MYCBP: variants seen among roughly 807,000 people sequenced by gnomAD.
MYCBP encodes C-Myc-binding protein.
In MYCBP, 5 loss-of-function variants were observed where a neutral mutation model predicts 16.8. The ratio of observed to expected loss-of-function variants is 0.30; its 90% CI spans 0.16 to 0.63. MYCBP has a LOEUF of 0.63. Ranked by LOEUF, MYCBP falls within the 20% of genes least tolerant of loss-of-function variation. MYCBP has a pLI of 0.83. For missense variants in MYCBP, 103 were observed against 121.8 expected, an observed-to-expected ratio of 0.85 and a Z score of 0.73; for synonymous variants, 35 against 43.7, an observed-to-expected ratio of 0.80 and a Z score of 0.79.
intron 2 of MYCBP, among the ~76,000 whole-genome samples, chr1:38,867,979 A>C (rs1570884314): frequency 6.6e-6 from 1 of 152,224 alleles, no homozygotes; most frequent in Non-Finnish European, 1.5e-5. Context: ...GCAAGAAAAC[A>C]ATGTATTGAG....
Position 38,862,919 on chromosome 1 carries a change from A to G in MYCBP, c.*1751T>C, listed in dbSNP as rs554356638. ...CTGCCACAAAAAATTTTCAACCTGT[A>G]TCTACCAAGAAACTATCATACCAAC... On this transcript the variant is annotated 3_prime_UTR_variant, in exon 5 of 5. Transcript: ENST00000397572. The G allele has an allele frequency of 1.3e-5, 2 of 152,358 alleles. No individual in the cohort carries two copies. The highest frequency in any genetic ancestry group is 2.1e-4 in the South Asian group (1 of 4,828). The allele number at this position is 152,358 out of a possible 1,614,324, so 9.4% of individuals were successfully genotyped here.
At chr1:38,868,543 C>G (rs984630671) in intron 2 of MYCBP, among the ~76,000 whole-genome samples, 1 of 152,166 alleles carries the variant, frequency 6.6e-6, no homozygotes, top group Non-Finnish European at 1.5e-5. Flanking sequence ...AACTCTAAAT[C>G]AGTGGTTGGC....
chr1:38,873,236 C>T, intron 1 of MYCBP, 55 bp downstream of exon 1: 1 of 1,591,636 alleles, frequency 6.3e-7, no homozygotes, highest in Non-Finnish European at 8.5e-7. Flanking sequence ...CACCCAGAGC[C>T]GACCAGCGGC....
intron 2 of MYCBP, among the ~76,000 whole-genome samples, chr1:38,868,508 C>T (rs1017643424): frequency 4.6e-5 from 7 of 152,144 alleles, no homozygotes; most frequent in Non-Finnish European, 8.8e-5. Flanking sequence ...ACAAATTCCT[C>T]CTAGAATTTA....
intron 2 of MYCBP, among the ~76,000 whole-genome samples, chr1:38,870,709 C>G (rs1056595119): frequency 1.5e-5 from 2 of 135,598 alleles, no homozygotes; most frequent in African/African-American, 2.7e-5. Flanking sequence ...AGGAGAATGG[C>G]GTGAACCCGG....
chr1:38,870,799 C>CAAAAAAAAAAAAAA, intron 2 of MYCBP, among the ~76,000 whole-genome samples: 1 of 60,684 alleles, frequency 1.6e-5, no homozygotes, highest in African/African-American at 6.7e-5. Flanking sequence ...GACTCCGTCT[C>CAAAAAAAAAAAAAA]AAAAAAAAAA....
chr1:38,870,482 C>CA (rs542500842), intron 2 of MYCBP, among the ~76,000 whole-genome samples: 156 of 151,550 alleles, frequency 1.0e-3, no homozygotes, highest in African/African-American at 3.2e-3. Flanking sequence ...GACTCTGTCT[C>CA]AAAAAAAATA....
chr1:38,873,326 A>C lies in MYCBP; in HGVS notation c.-21T>G, dbSNP rs200135344. 46 of 1,599,918 alleles carry C rather than the reference A, an allele frequency of 2.9e-5. No individual in the cohort carries two copies. In the East Asian group the frequency reaches 9.8e-4, roughly 34 times the overall value. On this transcript the variant is annotated 5_prime_UTR_variant, in exon 1 of 5. Coordinates refer to ENST00000397572, the MANE Select transcript of MYCBP (RefSeq NM_012333.5). ...GCCATAGTGACAGCGGCAGCGGCGTAGCTGGCGCCGGAGACCGCGACTGGC... is the reference window on the plus strand; with the variant it reads ...GCCATAGTGACAGCGGCAGCGGCGTCGCTGGCGCCGGAGACCGCGACTGGC...
In MYCBP at chr1:38,864,675, C is replaced by T; in HGVS notation, c.307G>A (p.Glu103Lys). 1 of 1,613,868 alleles carries T rather than the reference C, an allele frequency of 6.2e-7. No homozygotes were observed. The highest frequency in any genetic ancestry group is 8.5e-7 in the Non-Finnish European group (1 of 1,179,844). ...CTTTCAAACTGAGAAGAATCCTATT[C>T]AGCACGCTTCTCCTCCTGAGGTGGT... is the stretch of plus-strand genomic sequence containing the variant. ...YEPPQEEKRA[E>K] The change falls in exon 5 of 5, where the codon GAA becomes AAA. Residue 103 changes from glutamate to lysine, a missense_variant. By Grantham distance (56) the Glu-to-Lys change is moderately conservative (BLOSUM62 1). Transcript: ENST00000397572.
rs1642295917 is a variant in MYCBP, at chr1:38,864,429, G to A, written c.*241C>T. On this transcript the variant is annotated 3_prime_UTR_variant, in exon 5 of 5. Transcript: ENST00000397572. ...TAAACAGAATGTCTTTTAAGGTAAT[G>A]AGTTAGATGGCTGTGTTTAGGTTTT... is the stretch of plus-strand genomic sequence containing the variant. The A allele has an allele frequency of 5.6e-6, 3 of 536,856 alleles. No individual in the cohort carries two copies. Among genetic ancestry groups the A allele is most frequent in the Admixed American group, 3.3e-5 (1 of 30,618 alleles). The allele number at this position is 536,856 out of a possible 1,614,324, so 33.3% of individuals were successfully genotyped here.
chr1:38,865,546 TAATCCCAAC>T (rs1457170554), intron 4 of MYCBP, among the ~76,000 whole-genome samples: 1 of 152,170 alleles, frequency 6.6e-6, no homozygotes, highest in Non-Finnish European at 1.5e-5. Context: ...CTCATGCCTA[TAATCCCAAC>T]ACTTCGGGAG....
chr1:38,864,602 T>C lies in MYCBP; in HGVS notation c.*68A>G, dbSNP rs763241718. 2 of 1,480,896 alleles carry C rather than the reference T, an allele frequency of 1.4e-6. No homozygotes were observed. Among genetic ancestry groups the C allele is most frequent in the Non-Finnish European group, 1.9e-6 (2 of 1,059,868 alleles). The allele number at this position is 1,480,896 out of a possible 1,614,324, so 91.7% of individuals were successfully genotyped here. ...TCTATAGCATCTGTTCAGAAAAGATTATATACTATACAAACTATTCAAGTC... is the reference window on the plus strand; with the variant it reads ...TCTATAGCATCTGTTCAGAAAAGATCATATACTATACAAACTATTCAAGTC... On this transcript the variant is annotated 3_prime_UTR_variant, in exon 5 of 5. Transcript: ENST00000397572.
chr1:38,867,487 G>T, intron 3 of MYCBP, 75 bp downstream of exon 3: 117 of 994,698 alleles, frequency 1.2e-4, no homozygotes, highest in Non-Finnish European at 1.6e-4. Context: ...ATATTCAGAA[G>T]TATTTTAAAG....
chr1:38,867,699 G>T, intron 2 of MYCBP, 89 bp from the exon 3 acceptor site: 2 of 1,109,198 alleles, frequency 1.8e-6, no homozygotes, highest in Non-Finnish European at 2.7e-6. Context: ...AATATTAGGT[G>T]CCAACTATAC....
chr1:38,870,296 A>C (rs1642434283), intron 2 of MYCBP, among the ~76,000 whole-genome samples: 2 of 151,966 alleles, frequency 1.3e-5, no homozygotes, highest in African/African-American at 4.8e-5. Context: ...GCACTGAGAC[A>C]TGACTGCACC....
chr1:38,866,197 C>T (rs934364203), intron 4 of MYCBP, among the ~76,000 whole-genome samples: 5 of 150,164 alleles, frequency 3.3e-5, no homozygotes, highest in African/African-American at 4.9e-5. Flanking sequence ...TACAGGCATG[C>T]ACCACCAAGC....
intron 2 of MYCBP, among the ~76,000 whole-genome samples, chr1:38,870,217 C>T (rs1642432339): frequency 6.7e-6 from 1 of 149,366 alleles, no homozygotes; most frequent in Non-Finnish European, 1.5e-5. Context: ...CATGGTGGTG[C>T]GTGCCTGTAG....
intron 2 of MYCBP, among the ~76,000 whole-genome samples, chr1:38,870,000 C>T (rs1461839853): frequency 1.3e-5 from 2 of 151,820 alleles, no homozygotes; most frequent in East Asian, 2.0e-4. Context: ...AACCCCGTCT[C>T]TACTAAAAAT....
At chr1:38,868,911 C>CA (rs1286729542) in intron 2 of MYCBP, among the ~76,000 whole-genome samples, 1 of 151,820 alleles carries the variant, frequency 6.6e-6, no homozygotes, top group African/African-American at 2.4e-5. Flanking sequence ...GTCTCAAAAA[C>CA]AAAAAAACAA....
Sources: allele counts gnomAD v4.1 joint callset (sites outside exome capture counted in the v4.1 genomes callset), GRCh38; gene constraint gnomAD v4.1.1; transcripts MANE v1.5; gene names NCBI Gene and HGNC (gene_info 2026-07-23, HGNC 2026-07-21).